CPA6: variants seen among roughly 807,000 people sequenced by gnomAD.
CPA6 encodes the protein carboxypeptidase A6, also known as carboxypeptidase B.
A neutral mutation model predicts 63.3 loss-of-function variants in CPA6; 58 were observed. That is an observed-to-expected ratio of 0.92 (90% CI 0.74 to 1.14). CPA6 has a LOEUF of 1.14. Ranked by LOEUF, CPA6 falls within the 50% of genes most tolerant of loss-of-function variation. The pLI is 0.00. For missense variants in CPA6, 565 were observed against 526.6 expected (o/e 1.07, Z -0.71); for synonymous variants, 185 against 179.0 (o/e 1.03, Z -0.27).
At chr8:67,703,292 T>C (rs1817063738) in intron 1 of CPA6, among the ~76,000 whole-genome samples, 1 of 152,166 alleles carries the variant, frequency 6.6e-6, no homozygotes, top group Non-Finnish European at 1.5e-5. Context: ...GATGGGTGGC[T>C]TGTTGGGGTG....
Position 67,514,953 on chromosome 8 carries a change from C to T in CPA6, c.317+2970G>A, listed in dbSNP as rs1812112329. On this transcript the variant is annotated intron_variant, in intron 3 of 10. Transcript: ENST00000297770. Reference sequence around the variant, plus strand: ...AAATACCTTTCTGTAAAAAGCATATCAGTACGTTAATAAAGCTGTAGATAT... The same window carrying T: ...AAATACCTTTCTGTAAAAAGCATATTAGTACGTTAATAAAGCTGTAGATAT... 2.0e-5 allele frequency among the ~76,000 whole-genome samples: 3 copies of T among 152,198 alleles called. No homozygotes were observed. The South Asian group carries it at 6.2e-4, about 32-fold the overall frequency.
intron 2 of CPA6, among the ~76,000 whole-genome samples, chr8:67,574,897 T>C (rs1004669997): frequency 2.0e-5 from 3 of 151,290 alleles, no homozygotes; most frequent in African/African-American, 7.3e-5. Flanking sequence ...TGGAATTACA[T>C]AAAAATAAAA....
intron 1 of CPA6, among the ~76,000 whole-genome samples, chr8:67,684,254 C>T (rs56173175): frequency 0.053 from 8,004 of 151,788 alleles, 325 homozygotes; most frequent in Non-Finnish European, 0.082. Flanking sequence ...TGATATTTCT[C>T]TTGATGTTAG....
At chr8:67,488,553 T>C (rs1376194177) in intron 6 of CPA6, among the ~76,000 whole-genome samples, 1 of 152,202 alleles carries the variant, frequency 6.6e-6, no homozygotes, top group Non-Finnish European at 1.5e-5. Flanking sequence ...TTTGGTTCCA[T>C]ATGAACTTCA....
chr8:67,646,174 C>A (rs1815709826), intron 1 of CPA6, among the ~76,000 whole-genome samples: 1 of 152,178 alleles, frequency 6.6e-6, no homozygotes, highest in South Asian at 2.1e-4. Context: ...CTGGAAGCAA[C>A]CATAAAAAGA....
intron 1 of CPA6, among the ~76,000 whole-genome samples, chr8:67,633,744 A>T (rs918646249): frequency 6.6e-6 from 1 of 151,180 alleles, no homozygotes; most frequent in African/African-American, 2.4e-5. Flanking sequence ...TTTGCAAGTT[A>T]TGCACCTTCT....
chr8:67,740,033 A>G (rs1817883489), intron 1 of CPA6, among the ~76,000 whole-genome samples: 1 of 152,220 alleles, frequency 6.6e-6, no homozygotes, highest in African/African-American at 2.4e-5. Flanking sequence ...AGAGTGACAC[A>G]AGAGGCATAT....
At chr8:67,470,339 G>A (rs1811030930) in intron 8 of CPA6, among the ~76,000 whole-genome samples, 1 of 152,064 alleles carries the variant, frequency 6.6e-6, no homozygotes, top group African/African-American at 2.4e-5. Flanking sequence ...CTTGGATCAT[G>A]TTTCTGATGT....
intron 6 of CPA6, among the ~76,000 whole-genome samples, chr8:67,485,480 T>C (rs1360691045): frequency 6.6e-6 from 1 of 152,212 alleles, no homozygotes; most frequent in African/African-American, 2.4e-5. Context: ...TAACATTATA[T>C]GTAAGTGAGA....
intron 3 of CPA6, among the ~76,000 whole-genome samples, chr8:67,512,835 T>C (rs992296421): frequency 6.6e-6 from 1 of 152,242 alleles, no homozygotes; most frequent in Non-Finnish European, 1.5e-5. Flanking sequence ...GAAAGTTATT[T>C]AAAGCCTTTA....
intron 1 of CPA6, among the ~76,000 whole-genome samples, chr8:67,665,498 C>T (rs976718863): frequency 6.6e-6 from 1 of 152,166 alleles, no homozygotes; most frequent in Non-Finnish European, 1.5e-5. Context: ...TCTGTTGGGG[C>T]ATAACTATTC....
chr8:67,480,562 A>G (rs1287184399), intron 8 of CPA6, among the ~76,000 whole-genome samples: 4 of 152,132 alleles, frequency 2.6e-5, no homozygotes, highest in Admixed American at 6.5e-5. Context: ...CTGTTTATCT[A>G]TTCATCAGTT....
chr8:67,423,628 T>A (rs1166198324), intron 10 of CPA6, among the ~76,000 whole-genome samples: 1 of 152,192 alleles, frequency 6.6e-6, no homozygotes, highest in Non-Finnish European at 1.5e-5. Flanking sequence ...TTTCTCTGCT[T>A]CCACTAGGTG....
chr8:67,726,685 G>GA (rs1817602021), intron 1 of CPA6, among the ~76,000 whole-genome samples: 1 of 152,118 alleles, frequency 6.6e-6, no homozygotes, highest in South Asian at 2.1e-4. Context: ...ATTTCTATTT[G>GA]AAAATCCATT....
intron 1 of CPA6, among the ~76,000 whole-genome samples, chr8:67,648,819 A>G (rs553768850): frequency 1.3e-5 from 2 of 152,344 alleles, no homozygotes; most frequent in Non-Finnish European, 2.9e-5. Context: ...AACCAAAAAT[A>G]AGAGTTGGTT....
chr8:67,488,467 A>T (rs1461051223), intron 6 of CPA6, among the ~76,000 whole-genome samples: 1 of 152,158 alleles, frequency 6.6e-6, no homozygotes, highest in Non-Finnish European at 1.5e-5. Flanking sequence ...CTTGTAGTAC[A>T]GTTTGAAGTC....
At chr8:67,565,357 G>T (rs1564002794) in intron 2 of CPA6, among the ~76,000 whole-genome samples, 1 of 152,118 alleles carries the variant, frequency 6.6e-6, no homozygotes. Context: ...TCTGTCAGCA[G>T]CATGCGATTA....
intron 1 of CPA6, among the ~76,000 whole-genome samples, chr8:67,702,042 A>G (rs1817036098): frequency 6.6e-6 from 1 of 152,070 alleles, no homozygotes; most frequent in Admixed American, 6.6e-5. Flanking sequence ...CTGCCTCTCT[A>G]AAAGAATAAT....
chr8:67,493,535 T>C (rs994057325), intron 6 of CPA6, among the ~76,000 whole-genome samples: 18 of 152,154 alleles, frequency 1.2e-4, no homozygotes, highest in African/African-American at 4.1e-4. Flanking sequence ...CCTGCTTCCC[T>C]GAAAGTCTCC....
Sources: allele counts gnomAD v4.1 joint callset (sites outside exome capture counted in the v4.1 genomes callset), GRCh38; gene constraint gnomAD v4.1.1; transcripts MANE v1.5; gene names NCBI Gene and HGNC (gene_info 2026-07-23, HGNC 2026-07-21).